The following PBRM1 variants were observed in gnomAD, a reference collection of about 807,000 sequenced individuals.
PBRM1 encodes protein polybromo-1.
A neutral mutation model predicts 194.5 loss-of-function variants in PBRM1; 27 were observed. The observed-to-expected ratio is 0.14, with a 90% CI of 0.10 to 0.19. The LOEUF (loss-of-function observed/expected upper bound fraction) is 0.19. PBRM1 is among the 10% of genes least tolerant of loss of function. The probability of loss-of-function intolerance (pLI) is 1.00; values close to 1 mark genes in which losing one functional copy is unlikely to be tolerated. For missense variants in PBRM1, 1,466 were observed against 2,077.2 expected, an observed-to-expected ratio of 0.71 and a Z score of 5.72; for synonymous variants, 655 against 693.2, an observed-to-expected ratio of 0.94 and a Z score of 0.87.
intron 17 of PBRM1, among the ~76,000 whole-genome samples, chr3:52,598,856 T>C (rs1229255000): frequency 6.6e-6 from 1 of 152,008 alleles, no homozygotes; most frequent in Non-Finnish European, 1.5e-5. Flanking sequence ...GCCCCGTCTC[T>C]ACTAAAAATA....
upstream of PBRM1, among the ~76,000 whole-genome samples, chr3:52,684,620 T>C (rs1166766978): frequency 1.3e-5 from 2 of 152,204 alleles, no homozygotes; most frequent in African/African-American, 2.4e-5. Context: ...AAACCACATA[T>C]ATTATTCTAC....
chr3:52,557,892 A>G (rs1221115984), intron 26 of PBRM1, among the ~76,000 whole-genome samples: 1 of 152,238 alleles, frequency 6.6e-6, no homozygotes, highest in Non-Finnish European at 1.5e-5. Flanking sequence ...CCTAAAGACT[A>G]GTTTTGTGTT....
At chr3:52,660,626 C>G (rs1393703553) in intron 4 of PBRM1, among the ~76,000 whole-genome samples, 1 of 152,050 alleles carries the variant, frequency 6.6e-6, no homozygotes, top group South Asian at 2.1e-4. Context: ...GATTCTCCTG[C>G]CTCAGCCTCC....
At chr3:52,619,140 C>G (rs2095139763) in intron 13 of PBRM1, among the ~76,000 whole-genome samples, 2 of 152,060 alleles carry the variant, frequency 1.3e-5, no homozygotes, top group African/African-American at 4.8e-5. Context: ...GTGATCCGCC[C>G]ACCTTGGCCT....
chr3:52,639,070 C>T (rs1255110993), intron 10 of PBRM1, among the ~76,000 whole-genome samples: 3 of 151,764 alleles, frequency 2.0e-5, no homozygotes, highest in East Asian at 1.9e-4. Flanking sequence ...CAGCAACCTC[C>T]GCCTCCCGGG....
rs2096332733 is a variant in PBRM1 at position 52,647,442 on chromosome 3, AAAAAAAAAAAAAAAAATATATAT to A, written c.813+879_813+901del. Among the ~76,000 whole-genome samples, 3 of 77,108 alleles carry A rather than the reference AAAAAAAAAAAAAAAAATATATAT, an allele frequency of 3.9e-5. No individual in the cohort carries two copies. In the South Asian group the frequency reaches 1.1e-3, roughly 28 times the overall value. 50.6% of individuals were successfully genotyped at this position (77,108 alleles called of 152,430 possible). A position where few individuals can be genotyped will look rare whatever the true frequency, so the allele number is the denominator to read the frequency against. ...ATGTATCAAAGAGAAAAAAAAAAAA[AAAAAAAAAAAAAAAAATATATAT>A]ATATATATATATATATATATATATG... On this transcript the variant is annotated intron_variant, in intron 7 of 29. Transcript: ENST00000296302.
chr3:52,640,628 A>C (rs2096039103), intron 10 of PBRM1, among the ~76,000 whole-genome samples: 1 of 151,080 alleles, frequency 6.6e-6, no homozygotes, highest in African/African-American at 2.4e-5. Context: ...TGTCTCTTGT[A>C]ACCAGCCATA....
chr3:52,662,933 A>C (rs1194993326), intron 3 of PBRM1, among the ~76,000 whole-genome samples: 1 of 152,138 alleles, frequency 6.6e-6, no homozygotes, highest in Non-Finnish European at 1.5e-5. Context: ...GAAGCTAATG[A>C]CGGTTCTGAT....
At chr3:52,615,364 G>C in exon 15 of PBRM1, 1 of 1,602,928 alleles carries the variant, frequency 6.2e-7, no homozygotes, top group Non-Finnish European at 8.5e-7. Context: ...GCTTGAGTTT[G>C]GGAGAAGCCA....
chr3:52,557,752 C>A (rs1169471193), intron 26 of PBRM1, among the ~76,000 whole-genome samples: 1 of 152,064 alleles, frequency 6.6e-6, no homozygotes, highest in Non-Finnish European at 1.5e-5. Context: ...AGCAGTCATG[C>A]ACATTGGTGA....
intron 2 of PBRM1, among the ~76,000 whole-genome samples, chr3:52,674,643 A>AAAT (rs1193129880): frequency 4.3e-4 from 31 of 72,386 alleles, no homozygotes; most frequent in East Asian, 8.6e-4. Context: ...AAAAAAAAAA[A>AAAT]ATATATATAT....
chr3:52,649,917 A>G (rs2096442041), intron 6 of PBRM1, among the ~76,000 whole-genome samples: 1 of 152,212 alleles, frequency 6.6e-6, no homozygotes, highest in African/African-American at 2.4e-5. Context: ...GAGAAGTCAA[A>G]AAGAGAAGAC....
At position 52,616,027 on chromosome 3, in the gene PBRM1, C is replaced by T. The variant is rs968255466; in HGVS notation, c.1819-571G>A. Among the ~76,000 whole-genome samples the T allele has an allele frequency of 9.2e-5, 14 of 152,186 alleles. No homozygotes were observed. In the East Asian group the frequency reaches 2.7e-3, roughly 29 times the overall value. On this transcript the variant is annotated intron_variant, in intron 14 of 29. Coordinates refer to ENST00000296302, the Ensembl canonical transcript of PBRM1. The stretch of plus-strand genomic sequence containing the variant: ...ATGCTTTGCATCCACAGCCCCTCCT[C>T]TTACCTCCTCAGCAGATGCTATGTC...
chr3:52,552,385 C>T (rs1219108659), intron 27 of PBRM1, among the ~76,000 whole-genome samples: 1 of 152,194 alleles, frequency 6.6e-6, no homozygotes, highest in African/African-American at 2.4e-5. Context: ...CTCCTCTAAG[C>T]CTGCTCAGAC....
intron 11 of PBRM1, among the ~76,000 whole-genome samples, chr3:52,631,196 CGTGGTGACTCACGCCT>C (rs1485257061): frequency 1.3e-5 from 2 of 152,006 alleles, no homozygotes; most frequent in African/African-American, 4.8e-5. Context: ...CAACGTCAGG[CGTGGTGACTCACGCCT>C]GTAATCCCAG....
chr3:52,601,144 G>A (rs546347196), intron 17 of PBRM1, among the ~76,000 whole-genome samples: 4 of 152,286 alleles, frequency 2.6e-5, no homozygotes, highest in South Asian at 2.1e-4. Context: ...TGTGGTGTTC[G>A]TTGGGCAGGA....
At chr3:52,672,929 C>T (rs1439346118) in intron 2 of PBRM1, among the ~76,000 whole-genome samples, 2 of 152,136 alleles carry the variant, frequency 1.3e-5, no homozygotes, top group Non-Finnish European at 2.9e-5. Context: ...AAACTGATCC[C>T]TTTTAACTAT....
rs754472882 is a variant in PBRM1, at chr3:52,589,038, C to CGTTT, written c.2965+31_2965+32insAAAC. On this transcript the variant is annotated intron_variant, in intron 18 of 29. Coordinates refer to ENST00000296302, the Ensembl canonical transcript of PBRM1. Reference sequence around the variant, plus strand: ...GGAGAAGTCAAACAGTCATATCTCACTAAACTGTCCTTTGATTTAAAACAA... The same window carrying CGTTT: ...GGAGAAGTCAAACAGTCATATCTCACGTTTTAAACTGTCCTTTGATTTAAAACAA... The CGTTT allele has an allele frequency of 2.6e-6, 4 of 1,542,830 alleles. No individual in the cohort carries two copies. In the Admixed American group the frequency reaches 6.8e-5, roughly 26 times the overall value.
At chr3:52,674,641 AAAATAT>A (rs1457719677) in intron 2 of PBRM1, among the ~76,000 whole-genome samples, 3,395 of 75,660 alleles carry the variant, frequency 0.045, 52 homozygotes, top group East Asian at 0.13. Flanking sequence ...AAAAAAAAAA[AAAATAT>A]ATATATATAT....
Sources: gnomAD v4.1 joint callset for allele counts (sites outside exome capture counted in the v4.1 genomes callset) on GRCh38, gnomAD v4.1.1 for gene constraint, MANE v1.5 for transcripts, NCBI Gene and HGNC (gene_info 2026-07-23, HGNC 2026-07-21) for gene names.